SLC24A2: variants seen among roughly 807,000 people sequenced by gnomAD.
The protein encoded by SLC24A2 is solute carrier family 24 member 2, also known as sodium/potassium/calcium exchanger 2.
Under a neutral mutation model 62.0 loss-of-function variants are expected in SLC24A2, and 36 were observed. That is an observed-to-expected ratio of 0.58 (90% CI 0.44 to 0.77). The LOEUF (loss-of-function observed/expected upper bound fraction) is 0.77, where lower values mean the gene tolerates loss of function less well. SLC24A2 is among the 30% of genes least tolerant of loss of function. The probability of loss-of-function intolerance (pLI) is 0.00; values close to 1 mark genes in which losing one functional copy is unlikely to be tolerated. For missense variants in SLC24A2, 846 were observed against 817.9 expected (o/e 1.03, Z -0.42); for synonymous variants, 358 against 294.0 (o/e 1.22, Z -2.23).
chr9:19,601,824 T>C (rs1478969521), intron 4 of SLC24A2, among the ~76,000 whole-genome samples: 3 of 152,312 alleles, frequency 2.0e-5, no homozygotes, highest in East Asian at 1.9e-4. Context: ...CTCACACTTA[T>C]GCAAATGAGA....
At chr9:20,273,351 C>G in the SLC24A2 span, among the ~76,000 whole-genome samples, 2 of 152,150 alleles carry the variant, frequency 1.3e-5, no homozygotes, top group Admixed American at 1.3e-4. Context: ...AACAAAGACA[C>G]AGAGATGCCA....
chr9:19,862,062 C>A, the SLC24A2 span, among the ~76,000 whole-genome samples: 2 of 151,914 alleles, frequency 1.3e-5, no homozygotes, highest in Non-Finnish European at 2.9e-5. Context: ...TTCTCAAATC[C>A]AGAGAAAGAT....
At chr9:20,215,832 G>T in the SLC24A2 span, among the ~76,000 whole-genome samples, 1 of 151,688 alleles carries the variant, frequency 6.6e-6, no homozygotes, top group South Asian at 2.1e-4. Context: ...ACTATGTTTG[G>T]TCCAAGGAGT....
the SLC24A2 span, among the ~76,000 whole-genome samples, chr9:19,903,601 G>A: frequency 6.6e-6 from 1 of 152,164 alleles, no homozygotes; most frequent in Admixed American, 6.5e-5. Context: ...AGAGACAGAG[G>A]TAGAGCTAGC....
At chr9:20,227,190 T>C in the SLC24A2 span, among the ~76,000 whole-genome samples, 1 of 152,192 alleles carries the variant, frequency 6.6e-6, no homozygotes, top group Non-Finnish European at 1.5e-5. Context: ...ACAGACTCAA[T>C]TGTTTTAAAA....
the SLC24A2 span, among the ~76,000 whole-genome samples, chr9:20,118,001 C>T: frequency 6.6e-6 from 1 of 152,062 alleles, no homozygotes; most frequent in East Asian, 1.9e-4. Context: ...CAAGTCTTAC[C>T]ACCTTCAGCT....
the SLC24A2 span, among the ~76,000 whole-genome samples, chr9:20,219,694 C>A: frequency 6.6e-6 from 1 of 152,166 alleles, no homozygotes; most frequent in African/African-American, 2.4e-5. Flanking sequence ...TGTTCTGCAT[C>A]TGTGTGGCCT....
chr9:20,174,402 G>A, the SLC24A2 span, among the ~76,000 whole-genome samples: 1 of 151,870 alleles, frequency 6.6e-6, no homozygotes, highest in East Asian at 1.9e-4. Context: ...GGAACAGTCA[G>A]CAGAGTAAAC....
At chr9:19,952,896 T>C in the SLC24A2 span, among the ~76,000 whole-genome samples, 1 of 151,930 alleles carries the variant, frequency 6.6e-6, no homozygotes, top group South Asian at 2.1e-4. Context: ...AAATATATGT[T>C]TGATAAGGTT....
In SLC24A2 at chr9:19,517,632, C is replaced by T. The variant is rs1384076349; in HGVS notation, c.1737-1230G>A. ...TGTGACTGCCTTGTGGGGATCAATA[C>T]CGGCACTTTGCCCAGTAGAGTCTGG... On this transcript the variant is annotated intron_variant, in intron 10 of 10. Coordinates refer to ENST00000341998, the MANE Select transcript of SLC24A2 (RefSeq NM_020344.4). Among the ~76,000 whole-genome samples the T allele has an allele frequency of 3.3e-5, 5 of 152,116 alleles. No individual in the cohort carries two copies. The East Asian group carries it at 7.7e-4, about 23-fold the overall frequency.
chr9:19,762,900 T>C (rs1253245721), intron 2 of SLC24A2, among the ~76,000 whole-genome samples: 1 of 151,202 alleles, frequency 6.6e-6, no homozygotes, highest in African/African-American at 2.4e-5. Context: ...ATCTATAAAT[T>C]ACTATGGGCA....
chr9:19,680,841 T>C (rs1430048033), intron 2 of SLC24A2, among the ~76,000 whole-genome samples: 1 of 137,154 alleles, frequency 7.3e-6, no homozygotes, highest in Admixed American at 7.9e-5. Flanking sequence ...ACTCAAAATA[T>C]ATACCAGAGT....
chr9:20,219,581 C>T, the SLC24A2 span, among the ~76,000 whole-genome samples: 1 of 152,134 alleles, frequency 6.6e-6, no homozygotes, highest in Non-Finnish European at 1.5e-5. Flanking sequence ...ATAGTGCCTT[C>T]GTTGGTAGAT....
the SLC24A2 span, among the ~76,000 whole-genome samples, chr9:20,083,048 C>A: frequency 6.6e-6 from 1 of 152,004 alleles, no homozygotes; most frequent in Non-Finnish European, 1.5e-5. Context: ...ACTACAGTGC[C>A]GGGGTCATTA....
chr9:19,719,851 C>T (rs759555800), intron 2 of SLC24A2, among the ~76,000 whole-genome samples: 1 of 152,134 alleles, frequency 6.6e-6, no homozygotes, highest in Admixed American at 6.6e-5. Context: ...ATTGATCACA[C>T]CTAGAAACTG....
At chr9:19,603,864 C>G (rs548832996) in intron 4 of SLC24A2, among the ~76,000 whole-genome samples, 1 of 152,168 alleles carries the variant, frequency 6.6e-6, no homozygotes, top group African/African-American at 2.4e-5. Context: ...CTTTCAGAAC[C>G]CCGTTGAGGT....
the SLC24A2 span, among the ~76,000 whole-genome samples, chr9:19,866,971 A>G: frequency 2.6e-5 from 4 of 152,114 alleles, no homozygotes; most frequent in African/African-American, 9.7e-5. Context: ...AAAAAAATGA[A>G]TAAATGAATA....
At chr9:19,811,901 GGAATA>G in the SLC24A2 span, among the ~76,000 whole-genome samples, 3 of 151,732 alleles carry the variant, frequency 2.0e-5, no homozygotes, top group Non-Finnish European at 2.9e-5. Context: ...GTTTCAATCT[GGAATA>G]GTTTTCTTTC....
At chr9:20,123,158 G>A in the SLC24A2 span, among the ~76,000 whole-genome samples, 1 of 152,060 alleles carries the variant, frequency 6.6e-6, no homozygotes, top group Non-Finnish European at 1.5e-5. Context: ...CCTCCTGTCT[G>A]GTCATAGATG....
Sources: allele counts gnomAD v4.1 joint callset (sites outside exome capture counted in the v4.1 genomes callset), GRCh38; gene constraint gnomAD v4.1.1; transcripts MANE v1.5; gene names NCBI Gene and HGNC (gene_info 2026-07-23, HGNC 2026-07-21).